Variants in ROBO1 observed in about 807,000 individuals in gnomAD.
ROBO1 encodes the protein roundabout guidance receptor 1, also known as roundabout homolog 1.
Under a neutral mutation model 195.9 loss-of-function variants are expected in ROBO1, and 149 were observed. That is an observed-to-expected ratio of 0.76 (90% CI 0.67 to 0.87). The LOEUF is 0.87. Among genes scored for constraint, ROBO1 ranks in the 40% least tolerant of loss-of-function variants. The pLI is 0.00. For missense variants in ROBO1, 1,933 were observed against 2,068.3 expected, an observed-to-expected ratio of 0.93 and a Z score of 1.27; for synonymous variants, 816 against 733.2, an observed-to-expected ratio of 1.11 and a Z score of -1.82.
Position 78,636,079 on chromosome 3 carries a change from G to T in ROBO1, c.3067C>A (p.Leu1023Met), listed in dbSNP as rs1488574579. ...ADCIANYNNQ[L>M]DNKQTNLMLP... ...ATCAGATTTGTTTGTTTGTTATCCA[G>T]TTGGTTGTTATAATTTGCTATACAA... Residue 1023 changes from leucine to methionine, a missense_variant, in exon 23 of 31, where the codon CTG becomes ATG. Leu to Met is a conservative substitution (Grantham distance 15). Transcript: ENST00000464233. The T allele has an allele frequency of 6.2e-7, 1 of 1,612,374 alleles. No homozygotes were observed. Among genetic ancestry groups the T allele is most frequent in the African/African-American group, 1.3e-5 (1 of 74,854 alleles).
At chr3:79,572,311 A>G (rs904806447) in intron 2 of ROBO1, among the ~76,000 whole-genome samples, 1 of 152,118 alleles carries the variant, frequency 6.6e-6, no homozygotes. Context: ...ACATAAACAT[A>G]ACACATCCTT....
chr3:79,046,752 A>T (rs1212616411), intron 3 of ROBO1, among the ~76,000 whole-genome samples: 1 of 152,068 alleles, frequency 6.6e-6, no homozygotes, highest in Non-Finnish European at 1.5e-5. Flanking sequence ...TTATGGGTGG[A>T]TCTGATTTCC....
At chr3:79,654,486 A>G (rs572912120) in intron 1 of ROBO1, among the ~76,000 whole-genome samples, 3 of 152,134 alleles carry the variant, frequency 2.0e-5, no homozygotes, top group Admixed American at 2.0e-4. Context: ...TGAAATGATT[A>G]TTTCTAGTTT....
intron 2 of ROBO1, among the ~76,000 whole-genome samples, chr3:79,186,015 T>TC (rs1442014589): frequency 6.6e-6 from 1 of 151,910 alleles, no homozygotes; most frequent in Non-Finnish European, 1.5e-5. Context: ...GTGTTTAAGT[T>TC]CCCCAAGCCC....
chr3:79,469,183 A>G (rs1404728020), intron 2 of ROBO1, among the ~76,000 whole-genome samples: 2 of 152,204 alleles, frequency 1.3e-5, no homozygotes, highest in Non-Finnish European at 2.9e-5. Context: ...TGGTTTATAA[A>G]GAATTTAGAA....
chr3:78,688,156 C>T (rs757611931), intron 9 of ROBO1, among the ~76,000 whole-genome samples: 4 of 152,074 alleles, frequency 2.6e-5, no homozygotes, highest in Non-Finnish European at 5.9e-5. Context: ...TAGTTTTCAA[C>T]ACATTTGAAT....
chr3:78,625,548 GA>G (rs1297975808), intron 26 of ROBO1, among the ~76,000 whole-genome samples: 3 of 152,176 alleles, frequency 2.0e-5, no homozygotes, highest in African/African-American at 7.2e-5. Flanking sequence ...CCTGGGTAAA[GA>G]AATTCGATAG....
intron 2 of ROBO1, among the ~76,000 whole-genome samples, chr3:79,162,938 C>G (rs766341619): frequency 2.7e-4 from 41 of 152,148 alleles, no homozygotes; most frequent in Non-Finnish European, 5.3e-4. Flanking sequence ...TTGGTAATTC[C>G]GAGCCCTTTT....
At chr3:79,154,160 G>T (rs1030910001) in intron 2 of ROBO1, among the ~76,000 whole-genome samples, 1 of 151,688 alleles carries the variant, frequency 6.6e-6, no homozygotes, top group African/African-American at 2.4e-5. Context: ...TACATAATGG[G>T]TTCAGAGTAA....
intron 2 of ROBO1, among the ~76,000 whole-genome samples, chr3:79,252,035 G>A (rs1377513817): frequency 6.6e-6 from 1 of 150,614 alleles, no homozygotes; most frequent in Non-Finnish European, 1.5e-5. Context: ...AAAAAAAAAA[G>A]AACAACCAAT....
chr3:79,709,028 T>G (rs1377557690), intron 1 of ROBO1, among the ~76,000 whole-genome samples: 2 of 152,080 alleles, frequency 1.3e-5, no homozygotes, highest in South Asian at 2.1e-4. Context: ...CACCAAGATA[T>G]ATCAAGTGTT....
intron 2 of ROBO1, among the ~76,000 whole-genome samples, chr3:79,574,884 C>A (rs1943399603): frequency 6.6e-6 from 1 of 151,148 alleles, no homozygotes; most frequent in South Asian, 2.1e-4. Context: ...CAACTAAACA[C>A]AAACAAAAAA....
At chr3:79,542,170 G>A (rs1942095656) in intron 2 of ROBO1, among the ~76,000 whole-genome samples, 1 of 151,918 alleles carries the variant, frequency 6.6e-6, no homozygotes, top group Admixed American at 6.6e-5. Context: ...CCAAAGGACT[G>A]TCAGTAGCAA....
intron 3 of ROBO1, among the ~76,000 whole-genome samples, chr3:78,944,875 T>C (rs1183369681): frequency 6.6e-6 from 1 of 152,170 alleles, no homozygotes; most frequent in South Asian, 2.1e-4. Flanking sequence ...ATCCCGCACG[T>C]GGCTCACAGG....
intron 1 of ROBO1, among the ~76,000 whole-genome samples, chr3:79,610,858 G>T (rs1281646892): frequency 6.6e-6 from 1 of 152,046 alleles, no homozygotes; most frequent in Non-Finnish European, 1.5e-5. Flanking sequence ...CAGGTATCAT[G>T]GAAAATAAGA....
At chr3:79,621,949 C>T (rs147324424) in intron 1 of ROBO1, among the ~76,000 whole-genome samples, 3 of 151,998 alleles carry the variant, frequency 2.0e-5, no homozygotes, top group African/African-American at 7.3e-5. Context: ...CATTCCGAGG[C>T]TCCCATAAAA....
intron 4 of ROBO1, among the ~76,000 whole-genome samples, chr3:78,915,537 TACC>T (rs1194537793): frequency 6.6e-6 from 1 of 152,182 alleles, no homozygotes; most frequent in Non-Finnish European, 1.5e-5. Flanking sequence ...CTTTTCCTCT[TACC>T]ACTTTATGTA....
intron 1 of ROBO1, among the ~76,000 whole-genome samples, chr3:79,617,451 A>C (rs1268577630): frequency 6.6e-6 from 1 of 152,222 alleles, no homozygotes; most frequent in Non-Finnish European, 1.5e-5. Flanking sequence ...CCATACACAG[A>C]AATTATCTTT....
intron 1 of ROBO1, among the ~76,000 whole-genome samples, chr3:79,763,088 T>C (rs1704799245): frequency 6.6e-6 from 1 of 152,156 alleles, no homozygotes; most frequent in African/African-American, 2.4e-5. Flanking sequence ...CAGTTTCCTT[T>C]AAAATGCTTG....
Sources: allele counts gnomAD v4.1 joint callset (sites outside exome capture counted in the v4.1 genomes callset), GRCh38; gene constraint gnomAD v4.1.1; transcripts MANE v1.5; gene names NCBI Gene and HGNC (gene_info 2026-07-23, HGNC 2026-07-21).